COBLL1: variants seen among roughly 807,000 people sequenced by gnomAD.
The protein encoded by COBLL1 is cordon-bleu protein-like 1.
In COBLL1, 50 loss-of-function variants were observed where a neutral mutation model predicts 94.8. That is an observed-to-expected ratio of 0.53 (90% confidence interval 0.42 to 0.67). The LOEUF (loss-of-function observed/expected upper bound fraction) is 0.67, where lower values mean the gene tolerates loss of function less well. COBLL1 is among the 30% of genes least tolerant of loss of function. The probability of loss-of-function intolerance (pLI) is 0.00; values close to 1 mark genes in which losing one functional copy is unlikely to be tolerated. For missense variants in COBLL1, 1,362 were observed against 1,348.7 expected (o/e 1.01, Z -0.15); for synonymous variants, 448 against 473.8 (o/e 0.95, Z 0.71).
chr2:164,715,381 T>A (rs1349589224), intron 7 of COBLL1, among the ~76,000 whole-genome samples: 1 of 152,068 alleles, frequency 6.6e-6, no homozygotes, highest in African/African-American at 2.4e-5. Context: ...CCACTTTCTA[T>A]ATAATAAATA....
intron 13 of COBLL1, among the ~76,000 whole-genome samples, chr2:164,690,366 T>C (rs1683528713): frequency 6.6e-6 from 1 of 152,200 alleles, no homozygotes; most frequent in Admixed American, 6.6e-5. Context: ...AATTTTAGAT[T>C]CAATAGAACC....
At chr2:164,715,023 C>G (rs1171135031) in intron 7 of COBLL1, among the ~76,000 whole-genome samples, 2 of 152,020 alleles carry the variant, frequency 1.3e-5, no homozygotes, top group African/African-American at 4.8e-5. Context: ...CTGTCAGAAA[C>G]CTAAAATGTA....
chr2:164,699,569 A>G, intron 10 of COBLL1, 70 bp from the exon 11 acceptor site: 1 of 795,190 alleles, frequency 1.3e-6, no homozygotes, highest in Non-Finnish European at 2.2e-6. Context: ...ACACACAGAC[A>G]CACACACACA....
At chr2:164,730,249 A>G in intron 3 of COBLL1, 134 bp from the exon 4 acceptor site, 1 of 780,384 alleles carries the variant, frequency 1.3e-6, no homozygotes, top group African/African-American at 1.7e-5. Flanking sequence ...AGGTCAAGCT[A>G]CAGGCCAAGG....
At chr2:164,711,922 A>T (rs1216518182) in intron 7 of COBLL1, among the ~76,000 whole-genome samples, 1 of 152,128 alleles carries the variant, frequency 6.6e-6, no homozygotes, top group East Asian at 1.9e-4. Flanking sequence ...ATTAATGAAA[A>T]CTGCACTTCT....
intron 13 of COBLL1, among the ~76,000 whole-genome samples, chr2:164,690,690 A>G (rs973851245): frequency 2.6e-5 from 4 of 152,168 alleles, no homozygotes; most frequent in African/African-American, 9.7e-5. Flanking sequence ...TGGGCCTGAT[A>G]TACCACTGTA....
At chr2:164,749,834 G>A (rs1215520247) in intron 2 of COBLL1, among the ~76,000 whole-genome samples, 1 of 151,866 alleles carries the variant, frequency 6.6e-6, no homozygotes, top group Non-Finnish European at 1.5e-5. Context: ...AACCTATGAG[G>A]GTCCAAATCA....
Position 164,722,451 on chromosome 2 carries a change from G to GA in COBLL1, c.732dup (p.Gln245SerfsTer4). Reference sequence around the variant, plus strand: ...TGGTCTCGCTTTTTCTTACTGCGTTGAAAAAAACTGAAAAACCCTTTATTT... The same window carrying GA: ...TGGTCTCGCTTTTTCTTACTGCGTTGAAAAAAAACTGAAAAACCCTTTATTT... On this transcript the variant is annotated frameshift_variant, in exon 6 of 14. Transcript: ENST00000652658. LOFTEE classifies it high-confidence loss of function. 2.6e-6 allele frequency: 4 copies of GA among 1,522,162 alleles called. No homozygotes were observed. Among genetic ancestry groups the GA allele is most frequent in the Admixed American group, 2.3e-5 (1 of 43,842 alleles). The allele number at this position is 1,522,162 out of a possible 1,614,324, so 94.3% of individuals were successfully genotyped here. A position where few individuals can be genotyped will look rare whatever the true frequency, so the allele number is the denominator to read the frequency against.
chr2:164,676,404 G>C (rs890868214), downstream of COBLL1, among the ~76,000 whole-genome samples: 2 of 152,074 alleles, frequency 1.3e-5, no homozygotes, highest in Non-Finnish European at 2.9e-5. Flanking sequence ...CTTTGATCTT[G>C]TATTCAATTC....
chr2:164,774,367 C>T (rs1411156325), intron 2 of COBLL1, among the ~76,000 whole-genome samples: 2 of 152,124 alleles, frequency 1.3e-5, no homozygotes, highest in African/African-American at 4.8e-5. Context: ...GGCTTCACTT[C>T]TACTAACATT....
chr2:164,778,720 TGGAA>T (rs899155745), intron 2 of COBLL1, among the ~76,000 whole-genome samples: 1 of 151,910 alleles, frequency 6.6e-6, no homozygotes, highest in African/African-American at 2.4e-5. Context: ...ATAATGAAAA[TGGAA>T]GGGATTGATT....
intron 2 of COBLL1, among the ~76,000 whole-genome samples, chr2:164,662,147 T>A (rs1379288325): frequency 6.6e-6 from 1 of 152,166 alleles, no homozygotes; most frequent in African/African-American, 2.4e-5. Flanking sequence ...GAGCCAGAAG[T>A]CGAGTTAACA....
rs1281263268 is a variant in COBLL1 at position 164,686,342 on chromosome 2, G to C, written c.3301-310C>G. ...ACCAAGCTGTTAAAGAGCATTTTTA[G>C]CTAGATTAATTCTGTAATTCTGGCT... On this transcript the variant is annotated intron_variant, in intron 13 of 13. Coordinates refer to ENST00000652658, the MANE Select transcript of COBLL1 (RefSeq NM_001365672.2). 2.0e-5 allele frequency among the ~76,000 whole-genome samples: 3 copies of C among 152,048 alleles called. No individual in the cohort carries two copies. The East Asian group carries it at 5.8e-4, about 29-fold the overall frequency.
chr2:164,766,936 T>C (rs924012287), intron 2 of COBLL1, among the ~76,000 whole-genome samples: 5 of 152,210 alleles, frequency 3.3e-5, no homozygotes, highest in Non-Finnish European at 7.3e-5. Flanking sequence ...AACAGTATAA[T>C]AACCACAAGC....
intron 2 of COBLL1, among the ~76,000 whole-genome samples, chr2:164,784,161 A>G (rs955402791): frequency 1.2e-4 from 19 of 152,130 alleles, no homozygotes; most frequent in African/African-American, 4.3e-4. Flanking sequence ...CTCTCATTTC[A>G]AAGTATTCAC....
In COBLL1 at chr2:164,694,940, C is replaced by T. The variant is rs753967815; in HGVS notation, c.2452G>A (p.Ala818Thr). The T allele has an allele frequency of 2.5e-6, 4 of 1,613,956 alleles. No homozygotes were observed. The change falls in exon 12 of 14, where the codon GCC (alanine) becomes ACC (threonine). Residue 818 changes from alanine (A) to threonine (T), a missense_variant. Transcript: ENST00000652658. Reference protein sequence around the residue: ...VPSSVSSPDDAMVSPLKPAPK... With the variant: ...VPSSVSSPDDTMVSPLKPAPK... ...GCAGGTTTCAGAGGACTAACCATGG[C>T]ATCATCAGGTGAGCTCACAGAACTG...
At chr2:164,841,994 C>A, upstream of COBLL1, 8 of 1,540,144 alleles carry the variant, frequency 5.2e-6, no homozygotes, top group Non-Finnish European at 7.0e-6. This position sits in a 1 kb window ranked among gnomAD's most constrained non-coding sequence, Gnocchi z 5.5. Flanking sequence ...GGGAGCTCGC[C>A]GCCGCCTCTG....
At chr2:164,660,734 A>G (rs532195004) in intron 2 of COBLL1, among the ~76,000 whole-genome samples, 1 of 152,228 alleles carries the variant, frequency 6.6e-6, no homozygotes, top group Non-Finnish European at 1.5e-5. Context: ...TTTTAAGTTC[A>G]TATGTAACTG....
chr2:164,725,902 G>T (rs972671363), intron 5 of COBLL1, among the ~76,000 whole-genome samples: 13 of 152,160 alleles, frequency 8.5e-5, no homozygotes, highest in African/African-American at 2.9e-4. Flanking sequence ...CCTGTTTCTA[G>T]AAGGCAGGCT....
Sources: gnomAD v4.1 joint callset for allele counts (sites outside exome capture counted in the v4.1 genomes callset) on GRCh38, gnomAD v4.1.1 for gene constraint, Gnocchi (gnomAD v3.1) non-coding constraint, MANE v1.5 for transcripts, NCBI Gene and HGNC (gene_info 2026-07-23, HGNC 2026-07-21) for gene names.